Variants in PPP2R2B observed in about 807,000 individuals in gnomAD.
The protein encoded by PPP2R2B is protein phosphatase 2 regulatory subunit Bbeta.
Under a neutral mutation model 46.0 loss-of-function variants are expected in PPP2R2B, and 5 were observed. That is an observed-to-expected ratio of 0.11 (90% CI 0.06 to 0.23). The LOEUF is 0.23. Among genes scored for constraint, PPP2R2B ranks in the 10% least tolerant of loss-of-function variants. The pLI is 1.00. For missense variants in PPP2R2B, 367 were observed against 575.0 expected (o/e 0.64, Z 3.70); for synonymous variants, 215 against 206.7 (o/e 1.04, Z -0.34).
At position 146,878,363 on chromosome 5, in the gene PPP2R2B, G is replaced by A; in HGVS notation, c.-124-168C>T. 1 of 1,435,654 alleles carries A rather than the reference G, an allele frequency of 7.0e-7. No individual in the cohort carries two copies. The allele number at this position is 1,435,654 out of a possible 1,614,324, so 88.9% of individuals were successfully genotyped here. On this transcript the variant is annotated intron_variant, in intron 1 of 9. Transcript: ENST00000394411. The surrounding 1 kb of genome is among the most constrained non-coding windows in gnomAD (Gnocchi z 4.5). The stretch of plus-strand genomic sequence containing the variant: ...GCTGCGCCTGCCTCCGCTGCCTCCG[G>A]GTGCCAAGATACGCCGTGCCCCGAG...
intron 7 of PPP2R2B, among the ~76,000 whole-genome samples, chr5:146,624,719 G>T (rs753617490): frequency 6.6e-6 from 1 of 152,146 alleles, no homozygotes; most frequent in Non-Finnish European, 1.5e-5. Flanking sequence ...CAGGTCTACC[G>T]TGTGGCCCAG....
intron 2 of PPP2R2B, among the ~76,000 whole-genome samples, chr5:146,722,133 C>T (rs950941432): frequency 7.9e-5 from 12 of 152,204 alleles, no homozygotes; most frequent in Non-Finnish European, 1.8e-4. Context: ...GGCAGTCTAA[C>T]TTGAGAGCTT....
chr5:146,710,031 C>G (rs138832542), intron 2 of PPP2R2B, among the ~76,000 whole-genome samples: 1 of 152,340 alleles, frequency 6.6e-6, no homozygotes, highest in East Asian at 1.9e-4. Context: ...TACCACACAA[C>G]CAATTTTCCT....
chr5:146,854,863 C>T (rs1056666811), intron 2 of PPP2R2B, among the ~76,000 whole-genome samples: 2 of 152,168 alleles, frequency 1.3e-5, no homozygotes, highest in Admixed American at 6.5e-5. Flanking sequence ...GGCTATTCTT[C>T]ACGACAAGCT....
chr5:146,781,620 A>G (rs1755536265), intron 2 of PPP2R2B, among the ~76,000 whole-genome samples: 1 of 152,110 alleles, frequency 6.6e-6, no homozygotes, highest in Non-Finnish European at 1.5e-5. Context: ...GAAAAAAAAA[A>G]AAGAGACAAA....
intron 2 of PPP2R2B, among the ~76,000 whole-genome samples, chr5:147,065,893 A>C (rs1580877284): frequency 6.6e-6 from 1 of 152,080 alleles, no homozygotes; most frequent in Non-Finnish European, 1.5e-5. Flanking sequence ...GCTAAATGCC[A>C]ACAAGCATTA....
At chr5:147,031,782 AC>A in intron 1 of PPP2R2B, among the ~76,000 whole-genome samples, 1 of 152,298 alleles carries the variant, frequency 6.6e-6, no homozygotes, top group South Asian at 2.1e-4. Flanking sequence ...GCAAACAAAA[AC>A]ATAAAGTGGG....
Position 146,823,600 on chromosome 5 carries a change from T to C in PPP2R2B, c.70+54402A>G, listed in dbSNP as rs541717772. Among the ~76,000 whole-genome samples the C allele has an allele frequency of 4.6e-5, 7 of 152,186 alleles. No individual in the cohort carries two copies. The South Asian group carries it at 1.5e-3, about 32-fold the overall frequency. On this transcript the variant is annotated intron_variant, in intron 2 of 9. Transcript: ENST00000394411. ...TAATTTCGAGAATTAACTTAAAAAT[T>C]ATCTGGTAACCTCATTCCTAATGTC...
At position 146,728,308 on chromosome 5, in the gene PPP2R2B, T is replaced by C. The variant is rs112694688; in HGVS notation, c.71-27166A>G. 5.3e-3 allele frequency among the ~76,000 whole-genome samples: 803 copies of C among 152,264 alleles called. 11 individuals are homozygous for C. The highest frequency in any genetic ancestry group is 0.019 in the African/African-American group (776 of 41,564). On this transcript the variant is annotated intron_variant, in intron 2 of 9. Coordinates refer to ENST00000394411, the MANE Select transcript of PPP2R2B (RefSeq NM_181675.4). ...ATTATCCATTCCACTGTGTGACTCC[T>C]ATAAACAGAATATTTTTAAATAAGA... is the stretch of plus-strand genomic sequence containing the variant.
At chr5:146,856,534 A>G (rs1402007468) in intron 2 of PPP2R2B, 3 of 1,612,374 alleles carry the variant, frequency 1.9e-6, no homozygotes, top group Non-Finnish European at 2.5e-6. Context: ...TGGATAATTC[A>G]TGCTTCATTA....
intron 6 of PPP2R2B, among the ~76,000 whole-genome samples, chr5:146,642,618 CT>C (rs1243651757): frequency 4.6e-5 from 7 of 152,114 alleles, no homozygotes; most frequent in Non-Finnish European, 8.8e-5. Context: ...AAAACTTATA[CT>C]CTGAAAATGA....
chr5:146,707,398 AG>A (rs1340423331), intron 2 of PPP2R2B: 4 of 783,850 alleles, frequency 5.1e-6, no homozygotes, highest in Admixed American at 1.7e-5. Flanking sequence ...GGGGTTCAGC[AG>A]GCTCTGGTTG....
At chr5:146,835,096 T>A (rs1270798250) in intron 2 of PPP2R2B, among the ~76,000 whole-genome samples, 1 of 152,142 alleles carries the variant, frequency 6.6e-6, no homozygotes, top group African/African-American at 2.4e-5. Flanking sequence ...AACAGGTGCA[T>A]GGATTGTGTG....
chr5:146,702,267 G>A (rs1404288898), intron 2 of PPP2R2B, among the ~76,000 whole-genome samples: 2 of 152,114 alleles, frequency 1.3e-5, no homozygotes, highest in African/African-American at 4.8e-5. Context: ...CAGGTAAGTA[G>A]TGTAAAATTC....
chr5:146,795,633 G>A (rs1756483140), intron 2 of PPP2R2B, among the ~76,000 whole-genome samples: 1 of 151,854 alleles, frequency 6.6e-6, no homozygotes, highest in Non-Finnish European at 1.5e-5. Flanking sequence ...TTTGCTAAGA[G>A]TAGATGTTAT....
intron 2 of PPP2R2B, among the ~76,000 whole-genome samples, chr5:146,721,016 T>C (rs1780766747): frequency 6.6e-6 from 1 of 152,168 alleles, no homozygotes; most frequent in African/African-American, 2.4e-5. Context: ...GAGAAACAGA[T>C]AATTTATTTT....
chr5:146,742,114 A>G (rs1001997911), intron 2 of PPP2R2B, among the ~76,000 whole-genome samples: 5 of 152,218 alleles, frequency 3.3e-5, no homozygotes, highest in Admixed American at 1.3e-4. Flanking sequence ...TCAGAAAAAA[A>G]TGTTTTGAAG....
intron 2 of PPP2R2B, among the ~76,000 whole-genome samples, chr5:146,749,546 T>C (rs1582016419): frequency 6.6e-6 from 1 of 152,128 alleles, no homozygotes; most frequent in East Asian, 1.9e-4. Context: ...ACAGTGCATA[T>C]AGCATAAGAA....
At chr5:147,040,093 A>G (rs1756223307) in intron 1 of PPP2R2B, among the ~76,000 whole-genome samples, 14 of 152,162 alleles carry the variant, frequency 9.2e-5, no homozygotes, top group Admixed American at 9.2e-4. Context: ...TGGAGTGAAG[A>G]TGCCTTTCTT....
Sources: gnomAD v4.1 joint callset for allele counts (sites outside exome capture counted in the v4.1 genomes callset) on GRCh38, gnomAD v4.1.1 for gene constraint, Gnocchi (gnomAD v3.1) non-coding constraint, MANE v1.5 for transcripts, NCBI Gene and HGNC (gene_info 2026-07-23, HGNC 2026-07-21) for gene names.